The following FAM3A variants were observed in gnomAD, a reference collection of about 807,000 sequenced individuals.
FAM3A encodes FAM3 metabolism regulating signaling molecule A.
A neutral mutation model predicts 18.1 loss-of-function variants in FAM3A; 5 were observed. That is an observed-to-expected ratio of 0.28 (90% confidence interval 0.14 to 0.58). The LOEUF (loss-of-function observed/expected upper bound fraction) is 0.58, where lower values mean the gene tolerates loss of function less well. Ranked by LOEUF, FAM3A falls within the 20% of genes least tolerant of loss-of-function variation. The probability of loss-of-function intolerance (pLI) is 0.91; values close to 1 mark genes in which losing one functional copy is unlikely to be tolerated. For synonymous variants in FAM3A, 108 were observed against 90.2 expected (o/e 1.20, Z -1.12); for missense variants, 154 against 216.6 (o/e 0.71, Z 1.81).
intron 1 of FAM3A, among the ~76,000 whole-genome samples, chrX:154,514,100 G>C (rs960818956): frequency 2.7e-5 from 3 of 110,307 alleles, no homozygotes; most frequent in Admixed American, 1.9e-4. Context: ...CTGGCTTTCC[G>C]GACAGCACAC....
chrX:154,506,536 G>A lies in FAM3A; in HGVS notation c.*275C>T, dbSNP rs2069529140. ...AGATGGCGTGAGGAATGGAGGACAGGGCTAGATGGGCTGACCGGGGGGAAC... is the reference window on the plus strand; with the variant it reads ...AGATGGCGTGAGGAATGGAGGACAGAGCTAGATGGGCTGACCGGGGGGAAC... On this transcript the variant is annotated 3_prime_UTR_variant, in exon 9 of 9. Coordinates refer to ENST00000447601, the MANE Select transcript of FAM3A (RefSeq NM_021806.4). 4 of 366,883 alleles carry A rather than the reference G, an allele frequency of 1.1e-5. No individual in the cohort carries two copies. The East Asian group carries it at 1.9e-4, about 17-fold the overall frequency. The allele number at this position is 366,883 out of a possible 1,213,427, so 30.2% of individuals were successfully genotyped here.
rs141178046 is a variant in FAM3A at position 154,509,899 on chromosome X, G to A, written c.152-1302C>T. 1.8e-4 allele frequency: 20 copies of A among 112,546 alleles called. No individual in the cohort carries two copies. In the East Asian group the frequency reaches 5.5e-3, roughly 31 times the overall value. 9.3% of individuals were successfully genotyped at this position (112,546 alleles called of 1,213,427 possible). A position where few individuals can be genotyped will look rare whatever the true frequency, so the allele number is the denominator to read the frequency against. On this transcript the variant is annotated intron_variant, in intron 3 of 8. Transcript: ENST00000447601. The stretch of plus-strand genomic sequence containing the variant: ...TTTAAACCATATCAAGGCTATAGAA[G>A]TTTGAGGTACATGTTAGAAAAGGTC...
rs1557219379 is a variant in FAM3A at position 154,507,348 on chromosome X, G to A, written c.471-19C>T. 1 of 1,211,884 alleles carries A rather than the reference G, an allele frequency of 8.3e-7. No individual in the cohort carries two copies. The highest frequency in any genetic ancestry group is 1.8e-5 in the South Asian group (1 of 57,011). ...ATTCATCCTGCAGCATGGGAGGAAG[G>A]GGTGTCAGCTGTTGCTGCAGAAGGG... On this transcript the variant is annotated intron_variant, in intron 7 of 8. Transcript: ENST00000447601.
In FAM3A at chrX:154,516,067, T is replaced by G; in HGVS notation, c.-295A>C. The G allele has an allele frequency of 1.7e-5, 5 of 293,846 alleles. No homozygotes were observed. Among genetic ancestry groups the G allele is most frequent in the East Asian group, 1.2e-4 (2 of 16,811 alleles). 24.2% of individuals were successfully genotyped at this position (293,846 alleles called of 1,213,427 possible). A position where few individuals can be genotyped will look rare whatever the true frequency, so the allele number is the denominator to read the frequency against. On this transcript the variant is annotated 5_prime_UTR_variant, in exon 1 of 9. Transcript: ENST00000447601. Reference sequence around the variant, plus strand: ...ATGTGGTTCTCCTGGGCTCGGGCCGTTCCTCCGGGCCTGGGGGCTGGCGAT... The same window carrying G: ...ATGTGGTTCTCCTGGGCTCGGGCCGGTCCTCCGGGCCTGGGGGCTGGCGAT...
Position 154,516,094 on chromosome X carries a change from C to A in FAM3A, c.-322G>T, listed in dbSNP as rs1557225670. On this transcript the variant is annotated 5_prime_UTR_variant, in exon 1 of 9. Coordinates refer to ENST00000447601, the MANE Select transcript of FAM3A (RefSeq NM_021806.4). The stretch of plus-strand genomic sequence containing the variant: ...CCTCCGGGCCTGGGGGCTGGCGATG[C>A]GGGCCGGGCCGGAGATTTCTCTGGC... The A allele has an allele frequency of 4.5e-6, 1 of 222,276 alleles. No individual in the cohort carries two copies. The allele number at this position is 222,276 out of a possible 1,213,427, so 18.3% of individuals were successfully genotyped here. A position where few individuals can be genotyped will look rare whatever the true frequency, so the allele number is the denominator to read the frequency against.
chrX:154,509,187 G>A (rs1227506496), intron 3 of FAM3A: 1 of 171,201 alleles, frequency 5.8e-6, no homozygotes, highest in Non-Finnish European at 1.1e-5. Context: ...TATAAGAACA[G>A]AAGTGACAAA....
intron 5 of FAM3A, 60 bp downstream of exon 5, chrX:154,508,229 G>C: frequency 1.1e-6 from 1 of 904,906 alleles, no homozygotes; most frequent in Non-Finnish European, 1.5e-6. Context: ...ACACCCAGAG[G>C]CCTCCTGGGG....
rs1321777450 is a variant in FAM3A at position 154,506,483 on chromosome X, G to T, written c.*328C>A. Reference sequence around the variant, plus strand: ...GCACAGTGAGGGGCAGGCACCCAGGGCCGTTCCAGGACTCAAGATGGGGAT... The same window carrying T: ...GCACAGTGAGGGGCAGGCACCCAGGTCCGTTCCAGGACTCAAGATGGGGAT... On this transcript the variant is annotated 3_prime_UTR_variant, in exon 9 of 9. Coordinates refer to ENST00000447601, the MANE Select transcript of FAM3A (RefSeq NM_021806.4). 3.3e-5 allele frequency: 9 copies of T among 272,568 alleles called. No individual in the cohort carries two copies. Among genetic ancestry groups the T allele is most frequent in the African/African-American group, 5.5e-5 (2 of 36,647 alleles). The allele number at this position is 272,568 out of a possible 1,213,427, so 22.5% of individuals were successfully genotyped here.
chrX:154,507,589 G>A, intron 6 of FAM3A, 99 bp from the exon 7 acceptor site: 1 of 955,844 alleles, frequency 1.0e-6, no homozygotes, highest in African/African-American at 1.9e-5. Flanking sequence ...TAGGGATTGG[G>A]CCTGGGACAT....
rs781811583 is a variant in FAM3A at position 154,507,851 on chromosome X, G to A, written c.345C>T (p.Gly115=). 26 of 1,192,973 alleles carry A rather than the reference G, an allele frequency of 2.2e-5. No homozygotes were observed. The highest frequency in any genetic ancestry group is 2.5e-4 in the Middle Eastern group (1 of 4,056). ...LNIALVNGVS[G]ELIEARAFDM... ...CAAAGGCCCGGGCCTCGATGAGCTC[G>A]CCGCTGACCCCTGTGTCAGGAGGGA... The change falls in exon 6 of 9, where the codon GGC becomes GGT. Residue 115 remains glycine (G), a synonymous_variant. Coordinates refer to ENST00000447601, the MANE Select transcript of FAM3A (RefSeq NM_021806.4).
In FAM3A at chrX:154,508,459, C is replaced by A. The variant is rs2069685548; in HGVS notation, c.275+15G>T. 1.7e-6 allele frequency: 2 copies of A among 1,201,159 alleles called. No individual in the cohort carries two copies. The highest frequency in any genetic ancestry group is 1.8e-5 in the South Asian group (1 of 55,473). On this transcript the variant is annotated intron_variant, in intron 4 of 8. Transcript: ENST00000447601. ...CCACTCCCTCCCTGATCCCCAGTCA[C>A]CCCAGGGAGCTCACATCTTGTCCTC...
rs782723055 is a variant in FAM3A at position 154,508,356 on chromosome X, G to T, written c.276-9C>A. On this transcript the variant is annotated splice_polypyrimidine_tract_variant and intron_variant, in intron 4 of 8. Coordinates refer to ENST00000447601, the MANE Select transcript of FAM3A (RefSeq NM_021806.4). ...TGACGCTGCTCATCAGCCTAGTTGGGGGGGGGTGGGGGGGACGGGGAGATC... is the reference window on the plus strand; with the variant it reads ...TGACGCTGCTCATCAGCCTAGTTGGTGGGGGGTGGGGGGGACGGGGAGATC... The T allele has an allele frequency of 3.5e-5, 19 of 547,317 alleles. No individual in the cohort carries two copies. Among genetic ancestry groups the T allele is most frequent in the Middle Eastern group, 4.5e-4 (1 of 2,246 alleles). 45.1% of individuals were successfully genotyped at this position (547,317 alleles called of 1,213,427 possible).
At position 154,508,289 on chromosome X, in the gene FAM3A, C is replaced by T. The variant is rs1239972174; in HGVS notation, c.334G>A (p.Gly112Arg). The T allele has an allele frequency of 3.7e-6, 4 of 1,077,064 alleles. No homozygotes were observed. The highest frequency in any genetic ancestry group is 3.6e-6 in the Non-Finnish European group (3 of 832,742). The allele number at this position is 1,077,064 out of a possible 1,213,427, so 88.8% of individuals were successfully genotyped here. A position where few individuals can be genotyped will look rare whatever the true frequency, so the allele number is the denominator to read the frequency against. Residue 112 changes from glycine (G) to arginine (R), a missense_variant and splice_region_variant, in exon 5 of 9, where the codon GGG (glycine) becomes AGG (arginine). Gly to Arg is a moderately radical substitution (Grantham distance 125). Transcript: ENST00000447601. Reference sequence around the variant, plus strand: ...GGCCACGCTCAGCCAGGGGCCTCACCGTTCACCAGGGCGATGTTCAGCCCG... The same window carrying T: ...GGCCACGCTCAGCCAGGGGCCTCACTGTTCACCAGGGCGATGTTCAGCCCG... ...GRGLNIALVN[G>R]VSGELIEARA...
At position 154,508,514 on chromosome X, in the gene FAM3A, C is replaced by T. The variant is rs782302457; in HGVS notation, c.235G>A (p.Ala79Thr). ...CAGATCTTGGGCCCAATGACGTTGG[C>T]GGCCCCGCTGACCACGCGGAAGGCC... is the stretch of plus-strand genomic sequence containing the variant. ...HLAFRVVSGA[A>T]NVIGPKICLE... is the part of the protein sequence containing the mutation. The change falls in exon 4 of 9, where the codon GCC becomes ACC. Residue 79 changes from alanine to threonine, a missense_variant. Transcript: ENST00000447601. The T allele has an allele frequency of 8.3e-7, 1 of 1,206,873 alleles. No homozygotes were observed. The highest frequency in any genetic ancestry group is 1.8e-5 in the South Asian group (1 of 56,016).
intron 1 of FAM3A, among the ~76,000 whole-genome samples, chrX:154,514,420 T>C (rs9887158): frequency 0.091 from 9,722 of 106,973 alleles, 1,179 homozygotes; most frequent in African/African-American, 0.32. Flanking sequence ...ATTTTTTTTT[T>C]TGAGACAGAG....
At chrX:154,512,962 G>A (rs1320671683) in intron 1 of FAM3A, 26 bp from the exon 2 acceptor site, 2 of 1,075,187 alleles carry the variant, frequency 1.9e-6, no homozygotes, top group Admixed American at 4.4e-5. Flanking sequence ...ACACAGGGTG[G>A]GGTCACCTCA....
Position 154,512,830 on chromosome X carries a change from G to C in FAM3A, c.120C>G (p.Leu40=). 4.2e-6 allele frequency: 5 copies of C among 1,202,397 alleles called. No individual in the cohort carries two copies. Among genetic ancestry groups the C allele is most frequent in the Non-Finnish European group, 5.6e-6 (5 of 886,750 alleles). ...PGSGFPRIQQ[L]FTSPESSVTA... ...GCGGGGTCCCACACTCACTGGTGAA[G>C]AGTTGCTGGATGCGAGGAAAGCCAC... Residue 40 remains leucine, a synonymous_variant, in exon 2 of 9, where the codon CTC becomes CTG. Transcript: ENST00000447601.
At chrX:154,507,010 G>T in intron 8 of FAM3A, 104 bp from the exon 9 acceptor site, 1 of 897,299 alleles carries the variant, frequency 1.1e-6, no homozygotes, top group Non-Finnish European at 1.6e-6. Flanking sequence ...GTTGGCCAAC[G>T]GTGTACTCTC....
At chrX:154,507,626 G>C in intron 6 of FAM3A, 136 bp from the exon 7 acceptor site, 1 of 816,537 alleles carries the variant, frequency 1.2e-6, no homozygotes, top group Non-Finnish European at 1.8e-6. Context: ...GGCTGGTGTA[G>C]GAAGCTGAGG....
Sources: gnomAD v4.1 joint callset for allele counts (sites outside exome capture counted in the v4.1 genomes callset) on GRCh38, gnomAD v4.1.1 for gene constraint, MANE v1.5 for transcripts, NCBI Gene and HGNC (gene_info 2026-07-23, HGNC 2026-07-21) for gene names.